The following ZNF841 variants were observed in gnomAD, a reference collection of about 807,000 sequenced individuals.
The protein encoded by ZNF841 is zinc finger protein 841, also known as TCONS_00006091.
ZNF841 carries 11 observed loss-of-function variants against 13.0 expected under a neutral mutation model. The ratio of observed to expected loss-of-function variants is 0.85; its 90% CI spans 0.53 to 1.40. The LOEUF is 1.40. ZNF841 is among the 40% of genes most tolerant of loss of function. ZNF841 has a pLI of 0.00. For synonymous variants in ZNF841, 369 were observed against 381.6 expected, an observed-to-expected ratio of 0.97 and a Z score of 0.38; for missense variants, 1,068 against 1,139.5, an observed-to-expected ratio of 0.94 and a Z score of 0.90.
chr19:52,089,491 A>C (rs147772850), intron 2 of ZNF841, among the ~76,000 whole-genome samples: 16 of 152,138 alleles, frequency 1.1e-4, no homozygotes, highest in Non-Finnish European at 2.1e-4. Flanking sequence ...AAAAAATACA[A>C]AAAAAAACAG....
intron 3 of ZNF841, among the ~76,000 whole-genome samples, chr19:52,086,732 G>C (rs962059883): frequency 1.3e-5 from 2 of 152,238 alleles, no homozygotes; most frequent in African/African-American, 4.8e-5. Context: ...AGAGGAAAGT[G>C]TGAAATGGTC....
At chr19:52,083,135 A>C (rs1351203009) in intron 4 of ZNF841, among the ~76,000 whole-genome samples, 3 of 152,080 alleles carry the variant, frequency 2.0e-5, no homozygotes, top group Non-Finnish European at 4.4e-5. Context: ...CAGAACATTC[A>C]CTTAAGAATT....
At chr19:52,074,979 C>G (rs1048055195) in intron 6 of ZNF841, among the ~76,000 whole-genome samples, 4 of 152,196 alleles carry the variant, frequency 2.6e-5, no homozygotes, top group South Asian at 4.1e-4. Flanking sequence ...AAATGCTGAT[C>G]ATTCTACTCT....
Position 52,070,151 on chromosome 19 carries a change from C to T in ZNF841, c.272-2541G>A, listed in dbSNP as rs117658123. Among the ~76,000 whole-genome samples the T allele has an allele frequency of 8.0e-3, 1,221 of 152,190 alleles. 23 individuals carry two copies. The highest frequency in any genetic ancestry group is 7.4e-3 in the Non-Finnish European group (501 of 67,994). On this transcript the variant is annotated intron_variant, in intron 6 of 6. Coordinates refer to ENST00000594440, the MANE Select transcript of ZNF841 (RefSeq NM_001136499.2). ...AACATGTTTTTTAAAAACAACTTCC[C>T]AAACAAGCAGTGCAGATAACAGGTC...
intron 3 of ZNF841, among the ~76,000 whole-genome samples, chr19:52,085,184 C>A (rs1370618973): frequency 6.6e-6 from 1 of 152,192 alleles, no homozygotes; most frequent in Non-Finnish European, 1.5e-5. Context: ...CCCCTCACCT[C>A]CCTGTGGATC....
chr19:52,065,173 G>T lies in ZNF841; in HGVS notation c.2709C>A (p.Asn903Lys), dbSNP rs750354864. Reference protein sequence around the residue: ...TKHQIKHAGENLTTKLNVERP... With the variant: ...TKHQIKHAGEKLTTKLNVERP... ...TTTCCACATTGAGTTTAGTTGTAAG[G>T]TTCTCTCCAGCATGTTTTATCTGAT... Residue 903 changes from asparagine to lysine, a missense_variant, in exon 7 of 7, where the codon AAC (asparagine) becomes AAA (lysine). Coordinates refer to ENST00000594440, the MANE Select transcript of ZNF841 (RefSeq NM_001136499.2). The T allele has an allele frequency of 6.3e-7, 1 of 1,593,620 alleles. No individual in the cohort carries two copies. The highest frequency in any genetic ancestry group is 2.2e-5 in the East Asian group (1 of 44,746).
intron 6 of ZNF841, among the ~76,000 whole-genome samples, chr19:52,074,355 A>G (rs763566854): frequency 3.9e-5 from 6 of 152,220 alleles, no homozygotes; most frequent in African/African-American, 1.4e-4. Context: ...AATTTTGTGG[A>G]CTTAAAAAAG....
downstream of ZNF841, chr19:52,064,381 A>AAAAC (rs2087469651): frequency 6.6e-5 from 9 of 135,988 alleles, no homozygotes; most frequent in African/African-American, 3.1e-4. Flanking sequence ...AAAAAAAAAA[A>AAAAC]AAAAAAAACT....
intron 3 of ZNF841, among the ~76,000 whole-genome samples, chr19:52,086,676 G>A (rs2088285860): frequency 6.6e-6 from 1 of 152,242 alleles, no homozygotes; most frequent in South Asian, 2.1e-4. Flanking sequence ...ACTAAGCCAT[G>A]AGTCATTCCC....
At chr19:52,061,398 G>C (rs1034224324), downstream of ZNF841, among the ~76,000 whole-genome samples, 31 of 152,124 alleles carry the variant, frequency 2.0e-4, no homozygotes, top group African/African-American at 7.5e-4. Context: ...TTTTGCAAGA[G>C]GCAGGGCAAA....
chr19:52,067,629 A>G lies in ZNF841; in HGVS notation c.272-19T>C, dbSNP rs765156067. The G allele has an allele frequency of 1.4e-6, 2 of 1,433,706 alleles. No homozygotes were observed. The highest frequency in any genetic ancestry group is 1.8e-6 in the Non-Finnish European group (2 of 1,082,910). The allele number at this position is 1,433,706 out of a possible 1,614,324, so 88.8% of individuals were successfully genotyped here. A position where few individuals can be genotyped will look rare whatever the true frequency, so the allele number is the denominator to read the frequency against. ...GAGATACCTGCAAAATATAATGAACATGGGGTTTTAAAATAACTATTATTG... is the reference window on the plus strand; with the variant it reads ...GAGATACCTGCAAAATATAATGAACGTGGGGTTTTAAAATAACTATTATTG... On this transcript the variant is annotated intron_variant, in intron 6 of 6. Coordinates refer to ENST00000594440, the MANE Select transcript of ZNF841 (RefSeq NM_001136499.2).
chr19:52,067,100 T>C lies in ZNF841; in HGVS notation c.782A>G (p.Tyr261Cys). Residue 261 changes from tyrosine to cysteine, a missense_variant, in exon 7 of 7, where the codon TAC becomes TGC. Coordinates refer to ENST00000594440, the MANE Select transcript of ZNF841 (RefSeq NM_001136499.2). ...DEKTHIREKP[Y>C]IGNECGKAFR... ...GGCTTTGCCACACTCATTACCTATG[T>C]AAGGTTTTTCCCTAATATGTGTTTT... 1 of 1,591,198 alleles carries C rather than the reference T, an allele frequency of 6.3e-7. No individual in the cohort carries two copies. Among genetic ancestry groups the C allele is most frequent in the South Asian group, 1.1e-5 (1 of 88,682 alleles).
At chr19:52,064,353 CAAAAAAAAAAAAAAAAAAAAA>C (rs56135758), downstream of ZNF841, 17 of 35,454 alleles carry the variant, frequency 4.8e-4, no homozygotes, top group Middle Eastern at 0.022. Flanking sequence ...ACTCCGTCTC[CAAAAAAAAAAAAAAAAAAAAA>C]AAAAAAAAAA....
rs180894663 is a variant in ZNF841 at position 52,065,831 on chromosome 19, T to C, written c.2051A>G (p.Asn684Ser). 2.8e-3 allele frequency: 4,476 copies of C among 1,613,802 alleles called. 13 individuals are homozygous for C. Among genetic ancestry groups the C allele is most frequent in the Middle Eastern group, 4.0e-3 (24 of 6,062 alleles). Reference sequence around the variant, plus strand: ...TTGGATAAAAGCCTCACCAAATTCATTACAGTGGTAAGGGTTCTCTCCAGT... The same window carrying C: ...TTGGATAAAAGCCTCACCAAATTCACTACAGTGGTAAGGGTTCTCTCCAGT... ...IHTGENPYHCNEFGEAFIQSS... is the reference protein window; with the variant it reads ...IHTGENPYHCSEFGEAFIQSS... Residue 684 changes from asparagine (N) to serine (S), a missense_variant, in exon 7 of 7, where the codon AAT (asparagine) becomes AGT (serine). Coordinates refer to ENST00000594440, the MANE Select transcript of ZNF841 (RefSeq NM_001136499.2).
chr19:52,078,661 T>A (rs1214733814), intron 4 of ZNF841, among the ~76,000 whole-genome samples: 1 of 144,338 alleles, frequency 6.9e-6, no homozygotes, highest in Non-Finnish European at 1.5e-5. Flanking sequence ...ATCGCACCAC[T>A]GCACTCCAGC....
intron 6 of ZNF841, among the ~76,000 whole-genome samples, chr19:52,072,584 G>A (rs1004556095): frequency 2.0e-5 from 3 of 152,194 alleles, no homozygotes; most frequent in Non-Finnish European, 4.4e-5. Flanking sequence ...GCTCACGCCT[G>A]TAATCCCAGC....
chr19:52,080,304 T>C (rs2088056196), intron 4 of ZNF841, among the ~76,000 whole-genome samples: 1 of 152,196 alleles, frequency 6.6e-6, no homozygotes, highest in African/African-American at 2.4e-5. Context: ...ATTCATGGAC[T>C]AATTGCCTCG....
chr19:52,064,352 C>CAAAAAAAAAAAAAAAAAAAAAA (rs1568532352), downstream of ZNF841: 1 of 48,970 alleles, frequency 2.0e-5, no homozygotes, highest in African/African-American at 6.7e-5. Flanking sequence ...GACTCCGTCT[C>CAAAAAAAAAAAAAAAAAAAAAA]CAAAAAAAAA....
Position 52,064,987 on chromosome 19 carries a change from C to T in ZNF841, c.*120G>A. ...GGTACTAAAACTTTCTTGAGAAAGC[C>T]ACCCCCATCATCCAATCACCTCCCA... On this transcript the variant is annotated 3_prime_UTR_variant, in exon 7 of 7. Transcript: ENST00000594440. 1.1e-6 allele frequency: 1 copy of T among 881,160 alleles called. No homozygotes were observed. The highest frequency in any genetic ancestry group is 1.7e-6 in the Non-Finnish European group (1 of 602,400). The allele number at this position is 881,160 out of a possible 1,614,324, so 54.6% of individuals were successfully genotyped here. A position where few individuals can be genotyped will look rare whatever the true frequency, so the allele number is the denominator to read the frequency against.
Sources: allele counts gnomAD v4.1 joint callset (sites outside exome capture counted in the v4.1 genomes callset), GRCh38; gene constraint gnomAD v4.1.1; transcripts MANE v1.5; gene names NCBI Gene and HGNC (gene_info 2026-07-23, HGNC 2026-07-21).